The following TMCO4 variants were observed in gnomAD, a reference collection of about 807,000 sequenced individuals.
TMCO4 encodes the protein transmembrane and coiled-coil domain-containing protein 4.
Under a neutral mutation model 64.7 loss-of-function variants are expected in TMCO4, and 58 were observed. The observed-to-expected ratio is 0.90, with a 90% CI of 0.73 to 1.12. TMCO4 has a LOEUF of 1.12. Among genes scored for constraint, TMCO4 ranks in the 50% most tolerant of loss-of-function variants. The probability of loss-of-function intolerance (pLI) is 0.00; values close to 1 mark genes in which losing one functional copy is unlikely to be tolerated. For synonymous variants in TMCO4, 325 were observed against 346.1 expected (o/e 0.94, Z 0.68); for missense variants, 780 against 825.9 (o/e 0.94, Z 0.68).
chr1:19,771,182 A>G (rs1367455037), intron 5 of TMCO4, 126 bp downstream of exon 5: 1 of 986,922 alleles, frequency 1.0e-6, no homozygotes, highest in Non-Finnish European at 1.5e-6. Flanking sequence ...TCATGATATG[A>G]TATTATGATG....
chr1:19,769,005 G>A (rs2281244), intron 6 of TMCO4, among the ~76,000 whole-genome samples: 3,287 of 152,268 alleles, frequency 0.022, 71 homozygotes, highest in East Asian at 0.065. Flanking sequence ...ACCCCGGCAG[G>A]CACTGACTGC....
rs549888817 is a variant in TMCO4, at chr1:19,728,725, G to A, written c.1264+8647C>T. 2.6e-5 allele frequency among the ~76,000 whole-genome samples: 4 copies of A among 152,292 alleles called. 1 individual carries two copies. Among genetic ancestry groups the A allele is most frequent in the South Asian group, 2.1e-4 (1 of 4,828 alleles). Reference sequence around the variant, plus strand: ...CCCTTGGCGAAGCTCCTGGGTTCCCGGGCACCATCCAACACTGGGGTTCTC... The same window carrying A: ...CCCTTGGCGAAGCTCCTGGGTTCCCAGGCACCATCCAACACTGGGGTTCTC... On this transcript the variant is annotated intron_variant, in intron 13 of 15. Coordinates refer to ENST00000294543, the MANE Select transcript of TMCO4 (RefSeq NM_181719.7).
chr1:19,699,482 TATAC>T (rs925120483), intron 14 of TMCO4, among the ~76,000 whole-genome samples: 1 of 116,896 alleles, frequency 8.6e-6, no homozygotes, highest in African/African-American at 3.8e-5. Flanking sequence ...ATCTTTTTCA[TATAC>T]ATATATATAT....
In TMCO4 at chr1:19,734,577, C is replaced by CTA. The variant is rs939570044; in HGVS notation, c.1264+2793_1264+2794dup. On this transcript the variant is annotated intron_variant, in intron 13 of 15. Transcript: ENST00000294543. This position sits in a 1 kb window ranked among gnomAD's most constrained non-coding sequence, Gnocchi z 4.4. ...CACAGTGCCAGGCTCCCACCCTGAC[C>CTA]TATTAGCATTTCCCACCAACCCACC... Among the ~76,000 whole-genome samples, 3 of 152,186 alleles carry CTA rather than the reference C, an allele frequency of 2.0e-5. No homozygotes were observed. Among genetic ancestry groups the CTA allele is most frequent in the African/African-American group, 7.2e-5 (3 of 41,538 alleles).
At chr1:19,717,921 G>A (rs1163698351) in intron 13 of TMCO4, among the ~76,000 whole-genome samples, 1 of 152,134 alleles carries the variant, frequency 6.6e-6, no homozygotes, top group African/African-American at 2.4e-5. Flanking sequence ...ATAAAAGAAG[G>A]GTTAACAGGA....
intron 13 of TMCO4, among the ~76,000 whole-genome samples, chr1:19,726,539 T>C (rs2100766559): frequency 6.6e-6 from 1 of 152,130 alleles, no homozygotes; most frequent in African/African-American, 2.4e-5. Flanking sequence ...AACCATGCAC[T>C]AGTTATTTCA....
At chr1:19,715,839 C>T (rs2095353208) in intron 13 of TMCO4, among the ~76,000 whole-genome samples, 2 of 152,166 alleles carry the variant, frequency 1.3e-5, no homozygotes, top group South Asian at 4.1e-4. Flanking sequence ...AGAACCCTAC[C>T]CCAAGAGCTT....
chr1:19,747,345 G>T, intron 7 of TMCO4, 85 bp from the exon 8 acceptor site: 2 of 1,149,710 alleles, frequency 1.7e-6, no homozygotes, highest in Non-Finnish European at 2.6e-6. Flanking sequence ...TCAAACAGGG[G>T]CCAATGCTGG....
chr1:19,752,876 T>C (rs765656907), intron 7 of TMCO4, among the ~76,000 whole-genome samples: 3 of 151,578 alleles, frequency 2.0e-5, no homozygotes, highest in Admixed American at 6.6e-5. Flanking sequence ...ATCTTGTGCC[T>C]GCATCTAGTA....
intron 2 of TMCO4, among the ~76,000 whole-genome samples, chr1:19,788,656 T>C (rs544043284): frequency 6.6e-6 from 1 of 152,210 alleles, no homozygotes; most frequent in Admixed American, 6.5e-5. Flanking sequence ...CAGCCCGAGA[T>C]TGGCATGTTG....
chr1:19,740,212 C>A (rs2095473068), intron 11 of TMCO4, among the ~76,000 whole-genome samples: 1 of 152,206 alleles, frequency 6.6e-6, no homozygotes, highest in African/African-American at 2.4e-5. Flanking sequence ...TGTACCCTCC[C>A]ACTTTGCTTC....
At chr1:19,748,252 T>C (rs899659895) in intron 7 of TMCO4, among the ~76,000 whole-genome samples, 29 of 152,354 alleles carry the variant, frequency 1.9e-4, no homozygotes, top group Non-Finnish European at 2.8e-4. Context: ...GCTGATGTCA[T>C]CACGATGCTG....
chr1:19,768,965 C>T (rs1199460188), intron 6 of TMCO4, among the ~76,000 whole-genome samples: 1 of 152,162 alleles, frequency 6.6e-6, no homozygotes, highest in African/African-American at 2.4e-5. Flanking sequence ...AACAAGAATC[C>T]CCAAGGTAGG....
chr1:19,769,006 C>T (rs1465720025), intron 6 of TMCO4, among the ~76,000 whole-genome samples: 1 of 152,216 alleles, frequency 6.6e-6, no homozygotes, highest in Non-Finnish European at 1.5e-5. Flanking sequence ...CCCCGGCAGG[C>T]ACTGACTGCA....
intron 13 of TMCO4, among the ~76,000 whole-genome samples, chr1:19,720,005 ATTTTT>A (rs56755114): frequency 2.7e-4 from 31 of 116,954 alleles, no homozygotes; most frequent in East Asian, 1.2e-3. Context: ...AAGGAAAATA[ATTTTT>A]TTTTTTTTTT....
chr1:19,692,885 A>T (rs1239528379), intron 15 of TMCO4, among the ~76,000 whole-genome samples: 1 of 151,392 alleles, frequency 6.6e-6, no homozygotes, highest in East Asian at 2.0e-4. Context: ...AAAAAAACTG[A>T]AGTTGGTCAG....
intron 3 of TMCO4, among the ~76,000 whole-genome samples, chr1:19,786,007 C>T (rs1019304296): frequency 2.0e-5 from 3 of 152,128 alleles, no homozygotes; most frequent in South Asian, 2.1e-4. Context: ...GCCTGTAATC[C>T]GAGAGCTTTC....
chr1:19,797,168 A>T (rs534953789), intron 2 of TMCO4, among the ~76,000 whole-genome samples: 1 of 152,300 alleles, frequency 6.6e-6, no homozygotes, highest in South Asian at 2.1e-4. Flanking sequence ...ATCATTATTG[A>T]GCACCTACTA....
At chr1:19,794,653 A>G (rs907568691) in intron 2 of TMCO4, among the ~76,000 whole-genome samples, 2 of 152,216 alleles carry the variant, frequency 1.3e-5, no homozygotes, top group Non-Finnish European at 2.9e-5. Flanking sequence ...CTGGGTATAT[A>G]TGCAAAATAA....
Sources: allele counts gnomAD v4.1 joint callset (sites outside exome capture counted in the v4.1 genomes callset), GRCh38; gene constraint gnomAD v4.1.1; non-coding constraint Gnocchi (gnomAD v3.1); transcripts MANE v1.5; gene names NCBI Gene and HGNC (gene_info 2026-07-23, HGNC 2026-07-21).